Variants in SLC4A4 observed in about 807,000 individuals in gnomAD.
The protein encoded by SLC4A4 is electrogenic sodium bicarbonate cotransporter 1.
Under a neutral mutation model 111.5 loss-of-function variants are expected in SLC4A4, and 27 were observed. The ratio of observed to expected loss-of-function variants is 0.24; its 90% CI spans 0.18 to 0.33. The LOEUF is 0.33. SLC4A4 is among the 10% of genes least tolerant of loss of function. The pLI is 1.00. For missense variants in SLC4A4, 909 were observed against 1,315.5 expected, an observed-to-expected ratio of 0.69 and a Z score of 4.78; for synonymous variants, 443 against 463.4, an observed-to-expected ratio of 0.96 and a Z score of 0.57.
intron 2 of SLC4A4, among the ~76,000 whole-genome samples, chr4:71,178,218 G>C (rs1010173056): frequency 6.6e-6 from 1 of 151,972 alleles, no homozygotes; most frequent in East Asian, 1.9e-4. Flanking sequence ...ATGCCCACTA[G>C]AGAAAGCAGG....
Position 71,553,387 on chromosome 4 carries a change from A to G in SLC4A4, c.2695-1753A>G, listed in dbSNP as rs565112695. The stretch of plus-strand genomic sequence containing the variant: ...TCCTTCACTTTGACATTAGAACCAC[A>G]TTAGAAAAAACATTTAGCTAAGCCT... On this transcript the variant is annotated intron_variant, in intron 20 of 25. Coordinates refer to ENST00000264485, the MANE Select transcript of SLC4A4 (RefSeq NM_001098484.3). Among the ~76,000 whole-genome samples, 5 of 151,990 alleles carry G rather than the reference A, an allele frequency of 3.3e-5. No homozygotes were observed. In the East Asian group the frequency reaches 9.8e-4, roughly 30 times the overall value.
chr4:71,182,583 G>A (rs1022886843), upstream of SLC4A4, among the ~76,000 whole-genome samples: 1 of 152,146 alleles, frequency 6.6e-6, no homozygotes, highest in African/African-American at 2.4e-5. Context: ...CAAAAAGGAG[G>A]AACAGCTTTT....
chr4:71,481,647 A>G (rs780619576), intron 14 of SLC4A4, among the ~76,000 whole-genome samples: 1 of 151,730 alleles, frequency 6.6e-6, no homozygotes, highest in Non-Finnish European at 1.5e-5. Flanking sequence ...CCTACTGCTC[A>G]AGGTCATCGC....
At chr4:71,353,880 G>A (rs1483957574) in intron 5 of SLC4A4, among the ~76,000 whole-genome samples, 6 of 152,222 alleles carry the variant, frequency 3.9e-5, no homozygotes, top group Middle Eastern at 3.4e-3. Flanking sequence ...CAAAGACAGC[G>A]CCACACCATG....
intron 16 of SLC4A4, among the ~76,000 whole-genome samples, chr4:71,506,452 T>G (rs1004021050): frequency 6.6e-6 from 1 of 152,138 alleles, no homozygotes; most frequent in East Asian, 1.9e-4. Flanking sequence ...TTTGTGGCAG[T>G]TGTGAATGGG....
At chr4:71,110,516 G>C (rs1487896213) in intron 2 of SLC4A4, among the ~76,000 whole-genome samples, 1 of 152,142 alleles carries the variant, frequency 6.6e-6, no homozygotes, top group African/African-American at 2.4e-5. Context: ...AAATCTCATG[G>C]TAACTTTTAT....
intron 1 of SLC4A4, among the ~76,000 whole-genome samples, chr4:71,208,581 G>T (rs1282699426): frequency 1.4e-5 from 2 of 144,628 alleles, no homozygotes; most frequent in African/African-American, 5.1e-5. Context: ...TATTAAAAGG[G>T]GCCTACATTA....
chr4:71,325,657 CTG>C (rs1192137355), intron 3 of SLC4A4, among the ~76,000 whole-genome samples: 1 of 152,008 alleles, frequency 6.6e-6, no homozygotes, highest in Non-Finnish European at 1.5e-5. Context: ...TTTATTTACT[CTG>C]TTTCACCTAT....
At chr4:71,202,541 G>T (rs2256365) in intron 1 of SLC4A4, among the ~76,000 whole-genome samples, 151,513 of 152,296 alleles carry the variant, frequency 0.99, 75,375 homozygotes, top group Middle Eastern at 1. Context: ...GTGTGAACAT[G>T]TCTTCTGTTT....
intron 2 of SLC4A4, among the ~76,000 whole-genome samples, chr4:71,110,505 C>A (rs545390089): frequency 6.6e-6 from 1 of 152,256 alleles, no homozygotes; most frequent in South Asian, 2.1e-4. Flanking sequence ...TGTACCTGGG[C>A]AAATCTCATG....
chr4:71,362,032 G>C (rs1211764971), intron 6 of SLC4A4, among the ~76,000 whole-genome samples: 1 of 152,052 alleles, frequency 6.6e-6, no homozygotes, highest in Non-Finnish European at 1.5e-5. Context: ...AAATCATTGA[G>C]ACCTGACTTT....
At chr4:71,076,406 C>T (rs1228118248) in intron 1 of SLC4A4, among the ~76,000 whole-genome samples, 1 of 151,954 alleles carries the variant, frequency 6.6e-6, no homozygotes, top group South Asian at 2.1e-4. Flanking sequence ...GTGGCACATG[C>T]CTATAATCCC....
At chr4:71,188,698 C>G (rs1356549407) in intron 1 of SLC4A4, among the ~76,000 whole-genome samples, 1 of 151,726 alleles carries the variant, frequency 6.6e-6, no homozygotes, top group East Asian at 1.9e-4. Context: ...GCCATTAGAA[C>G]AATATTCAGT....
chr4:71,197,697 C>T (rs775753101), intron 1 of SLC4A4, among the ~76,000 whole-genome samples: 6 of 152,058 alleles, frequency 3.9e-5, no homozygotes, highest in Non-Finnish European at 7.4e-5. Context: ...GCATGTTGTG[C>T]ACATGTACCC....
chr4:71,344,059 C>G (rs1418602188), intron 4 of SLC4A4, among the ~76,000 whole-genome samples: 1 of 152,016 alleles, frequency 6.6e-6, no homozygotes, highest in Non-Finnish European at 1.5e-5. Context: ...TTATTTTTGT[C>G]CTTAGCACCT....
intron 2 of SLC4A4, among the ~76,000 whole-genome samples, chr4:71,137,528 C>G (rs1042066716): frequency 6.6e-6 from 1 of 152,332 alleles, no homozygotes; most frequent in East Asian, 1.9e-4. Context: ...CCTTTAACCA[C>G]CCTCTCTTTT....
chr4:71,184,512 A>C (rs1460202406), upstream of SLC4A4, among the ~76,000 whole-genome samples: 1 of 152,222 alleles, frequency 6.6e-6, no homozygotes, highest in Non-Finnish European at 1.5e-5. Context: ...TGGTATTCTA[A>C]GAAGTCCTTT....
intron 2 of SLC4A4, among the ~76,000 whole-genome samples, chr4:71,097,744 T>C (rs1468683993): frequency 1.3e-5 from 2 of 152,180 alleles, no homozygotes; most frequent in Admixed American, 1.3e-4. Flanking sequence ...GGTATTTCAT[T>C]GTGGTTTTGG....
At chr4:71,441,851 A>G (rs1157469274) in intron 8 of SLC4A4, among the ~76,000 whole-genome samples, 1 of 152,246 alleles carries the variant, frequency 6.6e-6, no homozygotes, top group East Asian at 1.9e-4. Flanking sequence ...GTTATTGGAC[A>G]AATAGCAGTG....
Sources: allele counts gnomAD v4.1 joint callset (sites outside exome capture counted in the v4.1 genomes callset), GRCh38; gene constraint gnomAD v4.1.1; transcripts MANE v1.5; gene names NCBI Gene and HGNC (gene_info 2026-07-23, HGNC 2026-07-21).